DRC1: variants seen among roughly 807,000 people sequenced by gnomAD.
DRC1 encodes the protein dynein regulatory complex subunit 1, also known as dynein regulatory complex protein 1.
Under a neutral mutation model 98.7 loss-of-function variants are expected in DRC1, and 74 were observed. That is an observed-to-expected ratio of 0.75 (90% CI 0.62 to 0.91). DRC1 has a LOEUF of 0.91. DRC1 is among the 40% of genes least tolerant of loss of function. The pLI, the probability that DRC1 is intolerant of heterozygous loss-of-function variation, is 0.00. For missense variants in DRC1, 875 were observed against 886.0 expected (o/e 0.99, Z 0.16); for synonymous variants, 336 against 334.1 (o/e 1.01, Z -0.06).
chr2:26,450,012 G>T lies in DRC1; in HGVS notation c.1526G>T (p.Ser509Ile). 1 of 1,613,868 alleles carries T rather than the reference G, an allele frequency of 6.2e-7. No homozygotes were observed. Among genetic ancestry groups the T allele is most frequent in the Middle Eastern group, 1.7e-4 (1 of 6,060 alleles). The change falls in exon 12 of 17, where the codon AGC (serine) becomes ATC (isoleucine). Residue 509 changes from serine to isoleucine, a missense_variant. Coordinates refer to ENST00000288710, the MANE Select transcript of DRC1 (RefSeq NM_145038.5). ...LCDESGFLIE[S>I]KLLSLLLPLE... ...TCTCCCCAGGGGTTCCTCATAGAGA[G>T]CAAGCTGCTGAGCCTTCTCCTGCCC... is the stretch of plus-strand genomic sequence containing the variant.
At chr2:26,434,895 A>G (rs536740224) in intron 7 of DRC1, among the ~76,000 whole-genome samples, 1 of 151,838 alleles carries the variant, frequency 6.6e-6, no homozygotes, top group South Asian at 2.1e-4. Context: ...CGTCTCAAAA[A>G]AAAAAAAAAA....
chr2:26,445,213 T>A (rs886252550), intron 10 of DRC1, among the ~76,000 whole-genome samples: 2 of 152,254 alleles, frequency 1.3e-5, no homozygotes, highest in African/African-American at 2.4e-5. Flanking sequence ...GATAAACTAA[T>A]GTTAAATTGT....
intron 8 of DRC1, among the ~76,000 whole-genome samples, chr2:26,442,822 T>A (rs541633797): frequency 6.6e-6 from 1 of 152,278 alleles, no homozygotes. Flanking sequence ...AACTCTGGAC[T>A]TTTTTTGTTG....
intron 13 of DRC1, 123 bp downstream of exon 13, chr2:26,450,804 T>G (rs940971211): frequency 4.2e-6 from 3 of 711,122 alleles, no homozygotes; most frequent in Non-Finnish European, 6.0e-6. Context: ...TAGGTATACA[T>G]GTGCTCTGGT....
Position 26,401,939 on chromosome 2 carries a change from A to G in DRC1, c.-51A>G. 1 of 1,545,020 alleles carries G rather than the reference A, an allele frequency of 6.5e-7. No individual in the cohort carries two copies. The highest frequency in any genetic ancestry group is 8.7e-7 in the Non-Finnish European group (1 of 1,143,576). ...CGGTTTGTTCCTAGCAACCAGCCTG[A>G]GGTCTGGAGGTGGTGCGGAGGGAGC... On this transcript the variant is annotated 5_prime_UTR_variant, in exon 1 of 17. Transcript: ENST00000288710.
chr2:26,402,318 G>T (rs1037679343), intron 1 of DRC1, among the ~76,000 whole-genome samples, 174 bp downstream of exon 1: 9 of 152,258 alleles, frequency 5.9e-5, no homozygotes, highest in Admixed American at 3.3e-4. Context: ...GGAGGCCGAG[G>T]CGGGCCGATC....
chr2:26,430,575 G>A (rs574945218), intron 5 of DRC1: 90 of 647,308 alleles, frequency 1.4e-4, no homozygotes, highest in African/African-American at 1.3e-3. Flanking sequence ...TCTCCTCTCC[G>A]CATTTGGAGT....
chr2:26,454,582 G>T lies in DRC1; in HGVS notation c.1920-65G>T. 3.1e-6 allele frequency: 5 copies of T among 1,590,484 alleles called. No individual in the cohort carries two copies. Among genetic ancestry groups the T allele is most frequent in the Non-Finnish European group, 4.3e-6 (5 of 1,166,110 alleles). ...GTGGGAAAGCAGTAGGCCTGTGACT[G>T]GCACTGCCTGGGGGCCTGGGTAGTA... is the stretch of plus-strand genomic sequence containing the variant. On this transcript the variant is annotated intron_variant, in intron 14 of 16. Transcript: ENST00000288710. The surrounding 1 kb of genome is among the most constrained non-coding windows in gnomAD (Gnocchi z 5.2).
chr2:26,430,797 G>A lies in DRC1; in HGVS notation c.690G>A (p.Glu230=), dbSNP rs1307704863. The change falls in exon 6 of 17, where the codon GAG becomes GAA. Residue 230 remains glutamate, a synonymous_variant. Coordinates refer to ENST00000288710, the MANE Select transcript of DRC1 (RefSeq NM_145038.5). ...CTTCTTGGTCGTAGAAAGCATTTGA[G>A]GTGGAACGCCAAGAGCTACTGGCCA... The part of the protein sequence containing the change: ...EELYNIEKAF[E]VERQELLASN... The A allele has an allele frequency of 1.9e-6, 3 of 1,614,044 alleles. No homozygotes were observed. Among genetic ancestry groups the A allele is most frequent in the South Asian group, 2.2e-5 (2 of 91,074 alleles).
intron 1 of DRC1, among the ~76,000 whole-genome samples, chr2:26,406,666 C>T (rs542900689): frequency 6.6e-6 from 1 of 152,076 alleles, no homozygotes; most frequent in East Asian, 1.9e-4. Flanking sequence ...GAGCCAAGAT[C>T]GAGCCACTGT....
intron 9 of DRC1, 63 bp from the exon 10 acceptor site, chr2:26,444,653 T>C: frequency 6.8e-7 from 1 of 1,466,480 alleles, no homozygotes; most frequent in Non-Finnish European, 9.5e-7. Context: ...CCTGCTGCTA[T>C]TTGAGGGGAC....
intron 11 of DRC1, among the ~76,000 whole-genome samples, chr2:26,449,781 C>T (rs1229915760): frequency 2.6e-5 from 4 of 152,114 alleles, no homozygotes; most frequent in African/African-American, 9.7e-5. Context: ...TGGGCTTTGT[C>T]CCTGGCCTTG....
At position 26,444,707 on chromosome 2, in the gene DRC1, C is replaced by T. The variant is rs781189009; in HGVS notation, c.1164-9C>T. 36 of 1,612,970 alleles carry T rather than the reference C, an allele frequency of 2.2e-5. No individual in the cohort carries two copies. The highest frequency in any genetic ancestry group is 1.0e-4 in the Admixed American group (6 of 59,958). On this transcript the variant is annotated splice_polypyrimidine_tract_variant and intron_variant, in intron 9 of 16. Transcript: ENST00000288710. ...CCAGCTGGCCATGCTCTGTGACTCT[C>T]CTTCACAGGCATTTTGCTCTTATTG... is the stretch of plus-strand genomic sequence containing the variant.
rs1182334999 is a variant in DRC1 at position 26,446,937 on chromosome 2, C to CA, written c.1397-1748dup. On this transcript the variant is annotated intron_variant, in intron 10 of 16. Transcript: ENST00000288710. ...CGAAAACCTGTCTCTACTAAAAATACAAAAAATTAGCCGGTCATGGCGTGC... is the reference window on the plus strand; with the variant it reads ...CGAAAACCTGTCTCTACTAAAAATACAAAAAAATTAGCCGGTCATGGCGTGC... Among the ~76,000 whole-genome samples, 3 of 151,624 alleles carry CA rather than the reference C, an allele frequency of 2.0e-5. No individual in the cohort carries two copies. The East Asian group carries it at 5.8e-4, about 29-fold the overall frequency.
chr2:26,440,242 A>G (rs1037215648), intron 7 of DRC1, 136 bp from the exon 8 acceptor site: 5 of 1,160,560 alleles, frequency 4.3e-6, no homozygotes, highest in African/African-American at 3.2e-5. Context: ...TTACCTATAT[A>G]AAGCATGTTC....
chr2:26,422,272 A>C (rs1663166777), intron 3 of DRC1, among the ~76,000 whole-genome samples: 1 of 152,224 alleles, frequency 6.6e-6, no homozygotes, highest in South Asian at 2.1e-4. Flanking sequence ...GAGGCTAAGA[A>C]GGTCAACTGG....
At chr2:26,422,647 G>T (rs925759816) in intron 3 of DRC1, among the ~76,000 whole-genome samples, 11 of 152,158 alleles carry the variant, frequency 7.2e-5, no homozygotes, top group African/African-American at 2.7e-4. Flanking sequence ...GGCACGGGGT[G>T]GCCCACGCAT....
chr2:26,419,182 C>T (rs1469422267), intron 2 of DRC1, among the ~76,000 whole-genome samples: 1 of 152,020 alleles, frequency 6.6e-6, no homozygotes, highest in Non-Finnish European at 1.5e-5. Flanking sequence ...AGCCACCATG[C>T]CCGGCTGAAT....
chr2:26,450,573 A>G lies in DRC1; in HGVS notation c.1600-19A>G. 1 of 1,607,824 alleles carries G rather than the reference A, an allele frequency of 6.2e-7. No homozygotes were observed. The highest frequency in any genetic ancestry group is 8.5e-7 in the Non-Finnish European group (1 of 1,177,392). On this transcript the variant is annotated intron_variant, in intron 12 of 16. Coordinates refer to ENST00000288710, the MANE Select transcript of DRC1 (RefSeq NM_145038.5). ...CTCTTGATGGGGTGTTTGAGCAACCATCCTGTTTTTCGCCCCAGGCCCTTG... is the reference window on the plus strand; with the variant it reads ...CTCTTGATGGGGTGTTTGAGCAACCGTCCTGTTTTTCGCCCCAGGCCCTTG...
Sources: gnomAD v4.1 joint callset for allele counts (sites outside exome capture counted in the v4.1 genomes callset) on GRCh38, gnomAD v4.1.1 for gene constraint, Gnocchi (gnomAD v3.1) non-coding constraint, MANE v1.5 for transcripts, NCBI Gene and HGNC (gene_info 2026-07-23, HGNC 2026-07-21) for gene names.